Variants in ITPR1 observed in about 807,000 individuals in gnomAD.
ITPR1 encodes inositol 1,4,5-trisphosphate receptor type 1.
In ITPR1, 96 loss-of-function variants were observed where a neutral mutation model predicts 318.4. The ratio of observed to expected loss-of-function variants is 0.30; its 90% CI spans 0.26 to 0.36. ITPR1 has a LOEUF of 0.36. Among genes scored for constraint, ITPR1 ranks in the 10% least tolerant of loss-of-function variants. The pLI, the probability that ITPR1 is intolerant of heterozygous loss-of-function variation, is 1.00. For synonymous variants in ITPR1, 1,312 were observed against 1,289.9 expected (o/e 1.02, Z -0.37); for missense variants, 2,440 against 3,460.2 (o/e 0.71, Z 7.40).
At chr3:4,658,395 G>C in intron 13 of ITPR1, 117 bp downstream of exon 13, 1 of 923,700 alleles carries the variant, frequency 1.1e-6, no homozygotes, top group Admixed American at 2.9e-5. Flanking sequence ...TAAAGGATTT[G>C]GTGAAAGGTT....
Position 4,516,484 on chromosome 3 carries a change from A to G in ITPR1, c.-8A>G, listed in dbSNP as rs1263190138. 1 of 1,533,254 alleles carries G rather than the reference A, an allele frequency of 6.5e-7. No individual in the cohort carries two copies. Among genetic ancestry groups the G allele is most frequent in the African/African-American group, 1.4e-5 (1 of 71,756 alleles). 95.0% of individuals were successfully genotyped at this position (1,533,254 alleles called of 1,614,324 possible). Reference sequence around the variant, plus strand: ...TATTTTACTTTGTCTAGGATTTTCAAGAAAGACATGTCTGACAAAATGTCT... The same window carrying G: ...TATTTTACTTTGTCTAGGATTTTCAGGAAAGACATGTCTGACAAAATGTCT... On this transcript the variant is annotated 5_prime_UTR_variant, in exon 3 of 62. Transcript: ENST00000649015.
intron 4 of ITPR1, among the ~76,000 whole-genome samples, chr3:4,553,181 A>G (rs1301440556): frequency 6.6e-6 from 1 of 152,124 alleles, no homozygotes; most frequent in East Asian, 1.9e-4. Context: ...AAACTTACGG[A>G]GAAGGCATAT....
chr3:4,730,536 G>C (rs894931196), intron 42 of ITPR1, among the ~76,000 whole-genome samples: 3 of 151,904 alleles, frequency 2.0e-5, no homozygotes, highest in Non-Finnish European at 4.4e-5. Flanking sequence ...AGACAAAATG[G>C]TAATGTGAGA....
chr3:4,634,990 G>A (rs1455874935), intron 5 of ITPR1, among the ~76,000 whole-genome samples: 3 of 152,176 alleles, frequency 2.0e-5, no homozygotes, highest in East Asian at 3.9e-4. Flanking sequence ...TGATCTGCCC[G>A]CCTCAGCCTT....
chr3:4,575,063 T>G (rs2088482975), intron 4 of ITPR1, among the ~76,000 whole-genome samples: 1 of 152,256 alleles, frequency 6.6e-6, no homozygotes, highest in Non-Finnish European at 1.5e-5. Flanking sequence ...CTACTTATGA[T>G]TTCTGTACTT....
At chr3:4,547,303 CAT>C (rs1211620925) in intron 4 of ITPR1, among the ~76,000 whole-genome samples, 1 of 152,130 alleles carries the variant, frequency 6.6e-6, no homozygotes, top group African/African-American at 2.4e-5. Context: ...GAATAAATAA[CAT>C]ATGTATTTAT....
chr3:4,591,522 T>G (rs1288388909), intron 4 of ITPR1, among the ~76,000 whole-genome samples: 1 of 152,236 alleles, frequency 6.6e-6, no homozygotes, highest in African/African-American at 2.4e-5. Context: ...TGGTTCAACT[T>G]TGATTCAGGA....
chr3:4,608,229 A>T (rs902466558), intron 4 of ITPR1, among the ~76,000 whole-genome samples: 2 of 152,154 alleles, frequency 1.3e-5, no homozygotes, highest in African/African-American at 4.8e-5. Flanking sequence ...TTTACTCCAG[A>T]ATCCTCTGGA....
rs2094755052 is a variant in ITPR1 at position 4,706,282 on chromosome 3, C to T, written c.4773C>T (p.Arg1591=). 3 of 1,614,034 alleles carry T rather than the reference C, an allele frequency of 1.9e-6. No individual in the cohort carries two copies. Among genetic ancestry groups the T allele is most frequent in the South Asian group, 2.2e-5 (2 of 91,080 alleles). Residue 1591 remains arginine, a synonymous_variant, in exon 37 of 62, where the codon CGC becomes CGT. Coordinates refer to ENST00000649015, the MANE Select transcript of ITPR1 (RefSeq NM_001378452.1). ...KTAMNWRLSA[R]NAARRDSVLA... ...CCATGAACTGGCGGCTCTCAGCCCG[C>T]AATGCCGCACGCAGGGACTCTGTTC...
At chr3:4,512,633 C>A (rs1454852895) in intron 2 of ITPR1, among the ~76,000 whole-genome samples, 1 of 151,990 alleles carries the variant, frequency 6.6e-6, no homozygotes, top group Non-Finnish European at 1.5e-5. Flanking sequence ...TTTTGATGCC[C>A]TGGAATCTTT....
Position 4,673,193 on chromosome 3 carries a change from C to T in ITPR1, c.2262C>T (p.Asn754=), listed in dbSNP as rs748314173. Residue 754 remains asparagine (N), a synonymous_variant, in exon 21 of 62, where the codon AAC becomes AAT. Transcript: ENST00000649015. ...TGGACCGCCAATACCTGGCCATCAA[C>T]GAAATCTCAGGCCAGCTGGATGTCG... is the stretch of plus-strand genomic sequence containing the variant. The part of the protein sequence containing the change: ...MCLDRQYLAI[N]EISGQLDVDL... 1.4e-5 allele frequency: 22 copies of T among 1,613,814 alleles called. No individual in the cohort carries two copies. Among genetic ancestry groups the T allele is most frequent in the Middle Eastern group, 3.3e-4 (2 of 6,084 alleles).
chr3:4,813,033 G>GGT (rs2049040657), intron 56 of ITPR1, 109 bp from the exon 57 acceptor site: 3 of 801,318 alleles, frequency 3.7e-6, no homozygotes, highest in Non-Finnish European at 6.6e-6. Context: ...AAGATTCTAG[G>GGT]GTGTTATTTA....
At chr3:4,839,538 T>C (rs1317848679) in intron 61 of ITPR1, among the ~76,000 whole-genome samples, 1 of 152,154 alleles carries the variant, frequency 6.6e-6, no homozygotes, top group African/African-American at 2.4e-5. Context: ...CCTTTCATGG[T>C]TGACTGTTTA....
chr3:4,815,725 G>A (rs1447660227), intron 59 of ITPR1, among the ~76,000 whole-genome samples: 1 of 151,960 alleles, frequency 6.6e-6, no homozygotes, highest in East Asian at 1.9e-4. Flanking sequence ...GAGGAATCTG[G>A]GGAGCTGAGT....
intron 42 of ITPR1, among the ~76,000 whole-genome samples, chr3:4,727,528 G>T (rs1214698796): frequency 6.6e-6 from 1 of 152,026 alleles, no homozygotes; most frequent in African/African-American, 2.4e-5. Context: ...ATGGAAAAAC[G>T]TTCATAATTA....
intron 33 of ITPR1, among the ~76,000 whole-genome samples, chr3:4,694,110 C>A (rs1168355498): frequency 6.6e-6 from 1 of 151,538 alleles, no homozygotes; most frequent in Non-Finnish European, 1.5e-5. Flanking sequence ...TAAGTTAATT[C>A]TTTAAAACAA....
chr3:4,679,306 T>G (rs1481154526), intron 24 of ITPR1, among the ~76,000 whole-genome samples: 1 of 152,150 alleles, frequency 6.6e-6, no homozygotes, highest in Non-Finnish European at 1.5e-5. Flanking sequence ...GGGGGTTTAT[T>G]ATGGGAATTG....
intron 55 of ITPR1, 96 bp downstream of exon 55, chr3:4,806,363 T>C: frequency 1.3e-5 from 16 of 1,205,292 alleles, no homozygotes; most frequent in Non-Finnish European, 1.8e-5. Context: ...TTAATGGTGA[T>C]TGGTGTGCCT....
chr3:4,580,797 A>T (rs1365360390), intron 4 of ITPR1, among the ~76,000 whole-genome samples: 1 of 150,894 alleles, frequency 6.6e-6, no homozygotes, highest in Non-Finnish European at 1.5e-5. Context: ...CAGTCACTGA[A>T]TGGGGCCGCC....
Sources: gnomAD v4.1 joint callset for allele counts (sites outside exome capture counted in the v4.1 genomes callset) on GRCh38, gnomAD v4.1.1 for gene constraint, MANE v1.5 for transcripts, NCBI Gene and HGNC (gene_info 2026-07-23, HGNC 2026-07-21) for gene names.